DIP2A: variants seen among roughly 807,000 people sequenced by gnomAD.
DIP2A encodes disco-interacting protein 2 homolog A.
DIP2A carries 85 observed loss-of-function variants against 177.4 expected under a neutral mutation model. That is an observed-to-expected ratio of 0.48 (90% CI 0.40 to 0.57). The LOEUF (loss-of-function observed/expected upper bound fraction) is 0.57, where lower values mean the gene tolerates loss of function less well. DIP2A is among the 20% of genes least tolerant of loss of function. DIP2A has a pLI of 0.00. For missense variants in DIP2A, 1,791 were observed against 2,100.2 expected (o/e 0.85, Z 2.88); for synonymous variants, 886 against 881.8 (o/e 1.00, Z -0.08).
chr21:46,463,866 G>A (rs1195320057), intron 1 of DIP2A, among the ~76,000 whole-genome samples: 3 of 151,738 alleles, frequency 2.0e-5, no homozygotes, highest in Non-Finnish European at 4.4e-5. Flanking sequence ...ACGCCATCAC[G>A]CCTGGCTAGT....
chr21:46,495,084 A>G (rs1423971402), intron 3 of DIP2A, among the ~76,000 whole-genome samples: 1 of 152,174 alleles, frequency 6.6e-6, no homozygotes, highest in Non-Finnish European at 1.5e-5. Context: ...TTGTAGTGAC[A>G]TAATCTATTC....
chr21:46,549,849 G>T lies in DIP2A; in HGVS notation c.2601G>T (p.Glu867Asp). 6.2e-7 allele frequency: 1 copy of T among 1,612,904 alleles called. No homozygotes were observed. ...LVAEQRPDAS[E>D]EDSFQWMSRV... is the part of the protein sequence containing the mutation. The stretch of plus-strand genomic sequence containing the variant: ...CTGAGCAGCGGCCGGATGCCTCGGA[G>T]GAGGACAGCTTCCAGTGGATGAGCC... Residue 867 changes from glutamate (E) to aspartate (D), a missense_variant, in exon 22 of 38, where the codon GAG becomes GAT. Transcript: ENST00000417564.
the DIP2A span, among the ~76,000 whole-genome samples, chr21:46,579,457 T>G: frequency 0.014 from 2,118 of 152,272 alleles, 49 homozygotes; most frequent in African/African-American, 0.048. Flanking sequence ...TTTCCTTCAG[T>G]TCTGCTCTGA....
At chr21:46,541,487 T>C (rs940595368) in intron 17 of DIP2A, among the ~76,000 whole-genome samples, 1 of 152,182 alleles carries the variant, frequency 6.6e-6, no homozygotes, top group Admixed American at 6.5e-5. Flanking sequence ...AGAAGCTGAA[T>C]TGACGTTACT....
chr21:46,534,254 C>T (rs1056585735), intron 12 of DIP2A, 141 bp downstream of exon 12: 2 of 687,220 alleles, frequency 2.9e-6, no homozygotes, highest in African/African-American at 3.6e-5. Flanking sequence ...CCTGGAAATA[C>T]AGAGTGTCAT....
At chr21:46,550,031 A>G in intron 22 of DIP2A, 146 bp downstream of exon 22, 1 of 1,478,004 alleles carries the variant, frequency 6.8e-7, no homozygotes, top group South Asian at 1.4e-5. Flanking sequence ...GCAAATTGAC[A>G]AATTACAGCT....
At chr21:46,538,847 A>G (rs371543073) in intron 16 of DIP2A, 1 of 492,836 alleles carries the variant, frequency 2.0e-6, no homozygotes. Context: ...TGCCTTAATG[A>G]GAGTCATCTT....
rs754827847 is a variant in DIP2A, at chr21:46,534,673, G to A, written c.1628G>A (p.Cys543Tyr). 1 of 1,609,746 alleles carries A rather than the reference G, an allele frequency of 6.2e-7. No homozygotes were observed. Among genetic ancestry groups the A allele is most frequent in the Admixed American group, 1.7e-5 (1 of 59,998 alleles). ...LAQCRALTQA[C>Y]GYSEAETLTN... ...CAGTGCCGGGCTCTGACCCAGGCGT[G>A]CGGGTACTCAGAAGGTAAGGGCTCT... Residue 543 changes from cysteine to tyrosine, a missense_variant, in exon 13 of 38, where the codon TGC (cysteine) becomes TAC (tyrosine). By Grantham distance (194) the Cys-to-Tyr change is radical. Coordinates refer to ENST00000417564, the MANE Select transcript of DIP2A (RefSeq NM_015151.4).
chr21:46,540,724 C>T (rs1000827661), intron 17 of DIP2A, among the ~76,000 whole-genome samples: 1 of 151,976 alleles, frequency 6.6e-6, no homozygotes, highest in African/African-American at 2.4e-5. Context: ...TAAAAGTAAC[C>T]CTAACTTGGC....
chr21:46,459,581 A>G (rs1434135236), intron 1 of DIP2A, among the ~76,000 whole-genome samples: 1 of 15,502 alleles, frequency 6.5e-5, no homozygotes, highest in Non-Finnish European at 1.2e-4. Flanking sequence ...GCGGCCCCTC[A>G]CCCCGGGGAC....
At chr21:46,478,754 T>A (rs1036713076) in intron 1 of DIP2A, among the ~76,000 whole-genome samples, 1 of 152,174 alleles carries the variant, frequency 6.6e-6, no homozygotes, top group African/African-American at 2.4e-5. Context: ...TTATGTTTTT[T>A]TTTTTAAATT....
rs2060930383 is a variant in DIP2A at position 46,569,756 on chromosome 21, A to G, written c.*2134A>G. 1 of 150,512 alleles carries G rather than the reference A, an allele frequency of 6.6e-6. No homozygotes were observed. Among genetic ancestry groups the G allele is most frequent in the Non-Finnish European group, 1.5e-5 (1 of 67,902 alleles). The allele number at this position is 150,512 out of a possible 1,614,324, so 9.3% of individuals were successfully genotyped here. On this transcript the variant is annotated 3_prime_UTR_variant, in exon 38 of 38. Transcript: ENST00000417564. ...AAAGGGTCTTTAAATTACCCCGAATAGGTTGTATCTTATTTTGCTTTTTTT... is the reference window on the plus strand; with the variant it reads ...AAAGGGTCTTTAAATTACCCCGAATGGGTTGTATCTTATTTTGCTTTTTTT...
Position 46,498,906 on chromosome 21 carries a change from G to A in DIP2A, c.655+73G>A, listed in dbSNP as rs2057505510. The A allele has an allele frequency of 4.7e-6, 7 of 1,481,444 alleles. No homozygotes were observed. Among genetic ancestry groups the A allele is most frequent in the East Asian group, 2.4e-5 (1 of 42,044 alleles). 91.8% of individuals were successfully genotyped at this position (1,481,444 alleles called of 1,614,324 possible). Reference sequence around the variant, plus strand: ...GAGTGTCCAGGACAGAGGAGCAGATGGAGGGCACCTGAGCCAGGCGCCACC... The same window carrying A: ...GAGTGTCCAGGACAGAGGAGCAGATAGAGGGCACCTGAGCCAGGCGCCACC... On this transcript the variant is annotated intron_variant, in intron 5 of 37. Coordinates refer to ENST00000417564, the MANE Select transcript of DIP2A (RefSeq NM_015151.4). The surrounding 1 kb of genome is among the most constrained non-coding windows in gnomAD (Gnocchi z 4.3).
chr21:46,558,105 G>A, intron 31 of DIP2A, 118 bp from the exon 32 acceptor site: 1 of 1,032,630 alleles, frequency 9.7e-7, no homozygotes, highest in Non-Finnish European at 1.4e-6. Context: ...CTGCGGAGAG[G>A]AGGTTGGTGT....
chr21:46,557,372 C>T lies in DIP2A; in HGVS notation c.3630-213C>T, dbSNP rs1206297117. 1 of 669,882 alleles carries T rather than the reference C, an allele frequency of 1.5e-6. No homozygotes were observed. The highest frequency in any genetic ancestry group is 1.8e-5 in the African/African-American group (1 of 55,316). The allele number at this position is 669,882 out of a possible 1,614,324, so 41.5% of individuals were successfully genotyped here. ...CTGGAGTGGTGTCCCCGGATCCTCT[C>T]CAAGTGTTCGGAGCAGAGCTCAGAA... is the stretch of plus-strand genomic sequence containing the variant. On this transcript the variant is annotated intron_variant, in intron 30 of 37. Coordinates refer to ENST00000417564, the MANE Select transcript of DIP2A (RefSeq NM_015151.4). The surrounding 1 kb of genome is among the most constrained non-coding windows in gnomAD (Gnocchi z 6.0).
At chr21:46,562,042 G>A (rs148713554) in intron 34 of DIP2A, among the ~76,000 whole-genome samples, 1 of 152,138 alleles carries the variant, frequency 6.6e-6, no homozygotes, top group Admixed American at 6.5e-5. Flanking sequence ...AGAAGTTCAG[G>A]TGCAGGAATA....
In DIP2A at chr21:46,533,631, G is replaced by A; in HGVS notation, c.1413G>A (p.Glu471=). The change falls in exon 11 of 38, where the codon GAG becomes GAA. Residue 471 remains glutamate, a synonymous_variant. Coordinates refer to ENST00000417564, the MANE Select transcript of DIP2A (RefSeq NM_015151.4). ...GCCTCCCCAAGGCACAGACAGGAGAGGTGGCAGCTTTCAAAGGTGAGGCCT... is the reference window on the plus strand; with the variant it reads ...GCCTCCCCAAGGCACAGACAGGAGAAGTGGCAGCTTTCAAAGGTGAGGCCT... ...QKGLPKAQTG[E]VAAFKGWPPL... The A allele has an allele frequency of 1.2e-6, 2 of 1,614,050 alleles. No homozygotes were observed. Among genetic ancestry groups the A allele is most frequent in the Non-Finnish European group, 1.7e-6 (2 of 1,179,898 alleles).
intron 1 of DIP2A, among the ~76,000 whole-genome samples, chr21:46,474,130 T>C (rs753234355): frequency 2.6e-5 from 4 of 152,180 alleles, no homozygotes; most frequent in Non-Finnish European, 4.4e-5. Context: ...GCCAGCAGGC[T>C]TCTGTGTGAA....
At chr21:46,546,431 A>G in intron 20 of DIP2A, 1 of 463,176 alleles carries the variant, frequency 2.2e-6, no homozygotes, top group Non-Finnish European at 2.9e-6. Flanking sequence ...CCTGGCATCT[A>G]GTGAGTACCT....
Sources: gnomAD v4.1 joint callset for allele counts (sites outside exome capture counted in the v4.1 genomes callset) on GRCh38, gnomAD v4.1.1 for gene constraint, Gnocchi (gnomAD v3.1) non-coding constraint, MANE v1.5 for transcripts, NCBI Gene and HGNC (gene_info 2026-07-23, HGNC 2026-07-21) for gene names.